The following RANBP2 variants were observed in gnomAD, a reference collection of about 807,000 sequenced individuals.
RANBP2 encodes the protein E3 SUMO-protein ligase RanBP2.
A neutral mutation model predicts 303.6 loss-of-function variants in RANBP2; 57 were observed. The observed-to-expected ratio is 0.19, with a 90% confidence interval of 0.15 to 0.23. The LOEUF (loss-of-function observed/expected upper bound fraction) is 0.23, where lower values mean the gene tolerates loss of function less well. RANBP2 is among the 10% of genes least tolerant of loss of function. The pLI is 1.00. For missense variants in RANBP2, 3,138 were observed against 3,780.8 expected (o/e 0.83, Z 4.46); for synonymous variants, 1,167 against 1,301.5 (o/e 0.90, Z 2.23).
At chr2:109,006,506 A>G in the RANBP2 span, among the ~76,000 whole-genome samples, 1 of 151,944 alleles carries the variant, frequency 6.6e-6, no homozygotes, top group Non-Finnish European at 1.5e-5. Context: ...TTTGGGGGTA[A>G]TTTTCTTAAG....
chr2:109,270,718 C>G, the RANBP2 span, among the ~76,000 whole-genome samples: 4 of 152,320 alleles, frequency 2.6e-5, no homozygotes, highest in East Asian at 7.7e-4. Flanking sequence ...CTTTGGAGAC[C>G]GTTCCTGGAC....
At chr2:109,041,195 A>G in the RANBP2 span, among the ~76,000 whole-genome samples, 1 of 152,266 alleles carries the variant, frequency 6.6e-6, no homozygotes, top group Admixed American at 6.5e-5. Flanking sequence ...AAACACAGTT[A>G]TTCATCTTAA....
At chr2:108,974,203 G>C in the RANBP2 span, among the ~76,000 whole-genome samples, 2 of 151,470 alleles carry the variant, frequency 1.3e-5, no homozygotes, top group Non-Finnish European at 2.9e-5. Flanking sequence ...GGTGGCAGGC[G>C]CCTGTAGTCC....
chr2:109,683,148 G>A, the RANBP2 span, among the ~76,000 whole-genome samples: 3 of 152,136 alleles, frequency 2.0e-5, no homozygotes, highest in Non-Finnish European at 4.4e-5. Flanking sequence ...TACGATTACA[G>A]GTGCCTGCCA....
At chr2:108,739,128 C>A (rs1026781141) in intron 6 of RANBP2, among the ~76,000 whole-genome samples, 1 of 151,754 alleles carries the variant, frequency 6.6e-6, no homozygotes, top group Non-Finnish European at 1.5e-5. Context: ...CTCAGCGGGG[C>A]GCGGTGGCTC....
the RANBP2 span, among the ~76,000 whole-genome samples, chr2:109,726,058 GGTGTGTGTGTGTGT>G: frequency 2.3e-4 from 31 of 137,104 alleles, no homozygotes; most frequent in African/African-American, 6.1e-4. Flanking sequence ...TTTTGCTTTT[GGTGTGTGTGTGTGT>G]GTGTGTGTGT....
At chr2:108,929,899 A>G in the RANBP2 span, among the ~76,000 whole-genome samples, 1 of 152,236 alleles carries the variant, frequency 6.6e-6, no homozygotes, top group Non-Finnish European at 1.5e-5. Context: ...AAAACATTTC[A>G]GAACTCCTGA....
the RANBP2 span, among the ~76,000 whole-genome samples, chr2:109,211,653 T>C: frequency 6.6e-6 from 1 of 151,384 alleles, no homozygotes; most frequent in South Asian, 2.1e-4. Context: ...TCTTTCTTTT[T>C]TTTTTTTTTG....
At chr2:109,666,293 G>A in the RANBP2 span, among the ~76,000 whole-genome samples, 1 of 152,094 alleles carries the variant, frequency 6.6e-6, no homozygotes, top group Non-Finnish European at 1.5e-5. Context: ...CCATTGTCCA[G>A]CGTGTGGTGC....
the RANBP2 span, among the ~76,000 whole-genome samples, chr2:108,981,107 C>T: frequency 1.3e-5 from 2 of 152,170 alleles, no homozygotes; most frequent in South Asian, 2.1e-4. Context: ...CCTTGGCTCT[C>T]GGAAATCCAC....
chr2:109,009,120 A>G, the RANBP2 span, among the ~76,000 whole-genome samples: 1 of 151,930 alleles, frequency 6.6e-6, no homozygotes. Context: ...TGGGCGGATC[A>G]CGAGGTCAGG....
the RANBP2 span, among the ~76,000 whole-genome samples, chr2:108,803,005 A>G: frequency 3.3e-5 from 5 of 152,286 alleles, no homozygotes; most frequent in South Asian, 2.1e-4. Flanking sequence ...AGCCTTTGCA[A>G]TGTTGCTGTG....
the RANBP2 span, chr2:108,908,138 T>A: frequency 8.5e-7 from 1 of 1,175,700 alleles, no homozygotes; most frequent in Non-Finnish European, 1.2e-6. Context: ...AATGACTTGT[T>A]TTTCAGGTGT....
chr2:109,357,342 C>T, the RANBP2 span, among the ~76,000 whole-genome samples: 8 of 152,042 alleles, frequency 5.3e-5, no homozygotes, highest in African/African-American at 1.4e-4. Flanking sequence ...CCACCATGCC[C>T]GGATAATTTT....
chr2:109,559,120 A>G, the RANBP2 span, among the ~76,000 whole-genome samples: 1 of 152,168 alleles, frequency 6.6e-6, no homozygotes, highest in Non-Finnish European at 1.5e-5. Context: ...TCCTGACCTC[A>G]GGTGATCCAC....
chr2:108,720,003 C>T (rs1694099251), intron 1 of RANBP2: 1 of 985,338 alleles, frequency 1.0e-6, no homozygotes, highest in Non-Finnish European at 1.2e-6. Flanking sequence ...ACCCGCGCGG[C>T]CTAGTTCTCG....
At chr2:109,346,948 G>A in the RANBP2 span, among the ~76,000 whole-genome samples, 1 of 152,294 alleles carries the variant, frequency 6.6e-6, no homozygotes. Context: ...GATGGCCGGG[G>A]ACTGCTTGTT....
chr2:109,725,412 G>A, the RANBP2 span, among the ~76,000 whole-genome samples: 1 of 152,200 alleles, frequency 6.6e-6, no homozygotes, highest in Non-Finnish European at 1.5e-5. Flanking sequence ...AACCCATGGT[G>A]CTTGGGTATC....
At chr2:109,062,326 G>C in the RANBP2 span, among the ~76,000 whole-genome samples, 1 of 152,206 alleles carries the variant, frequency 6.6e-6, no homozygotes, top group Non-Finnish European at 1.5e-5. Flanking sequence ...TGAATTTCCT[G>C]CATCAGCGAC....
Sources: gnomAD v4.1 joint callset for allele counts (sites outside exome capture counted in the v4.1 genomes callset) on GRCh38, gnomAD v4.1.1 for gene constraint, MANE v1.5 for transcripts, NCBI Gene and HGNC (gene_info 2026-07-23, HGNC 2026-07-21) for gene names.